The following IGF2BP3 variants were observed in gnomAD, a reference collection of about 807,000 sequenced individuals.
The protein encoded by IGF2BP3 is insulin-like growth factor 2 mRNA-binding protein 3.
In IGF2BP3, 9 loss-of-function variants were observed where a neutral mutation model predicts 73.8. The observed-to-expected ratio is 0.12, with a 90% CI of 0.07 to 0.21. The LOEUF is 0.21. Ranked by LOEUF, IGF2BP3 falls within the 10% of genes least tolerant of loss-of-function variation. The pLI, the probability that IGF2BP3 is intolerant of heterozygous loss-of-function variation, is 1.00. For missense variants in IGF2BP3, 542 were observed against 714.0 expected (o/e 0.76, Z 2.75); for synonymous variants, 258 against 256.7 (o/e 1.01, Z -0.05).
intron 2 of IGF2BP3, among the ~76,000 whole-genome samples, chr7:23,444,316 G>A (rs916224894): frequency 1.3e-5 from 2 of 151,976 alleles, no homozygotes; most frequent in African/African-American, 2.4e-5. Flanking sequence ...GTTTAAATAG[G>A]TTATAATGTA....
chr7:23,422,057 G>A (rs1787364495), intron 2 of IGF2BP3, among the ~76,000 whole-genome samples: 1 of 152,098 alleles, frequency 6.6e-6, no homozygotes, highest in Non-Finnish European at 1.5e-5. Flanking sequence ...TGGGATTACA[G>A]GTGTGAGCCA....
At chr7:23,434,381 A>G (rs778522178) in intron 2 of IGF2BP3, among the ~76,000 whole-genome samples, 1 of 152,194 alleles carries the variant, frequency 6.6e-6, no homozygotes, top group Non-Finnish European at 1.5e-5. Context: ...TTTAGAAACT[A>G]TAATAATCTC....
Position 23,361,750 on chromosome 7 carries a change from A to T in IGF2BP3, c.286-9T>A. On this transcript the variant is annotated splice_polypyrimidine_tract_variant and intron_variant, in intron 3 of 14. Transcript: ENST00000258729. ...AGTAAACTATCCAGCACCTATCAGG[A>T]GGGGGAGAGAAAATTATAAATTTTG... The T allele has an allele frequency of 6.3e-7, 1 of 1,597,906 alleles. No homozygotes were observed.
chr7:23,376,598 G>T (rs570577126), intron 3 of IGF2BP3, among the ~76,000 whole-genome samples: 1 of 151,712 alleles, frequency 6.6e-6, no homozygotes, highest in African/African-American at 2.4e-5. Context: ...GGGCACGGTG[G>T]CTCACACCTA....
intron 2 of IGF2BP3, among the ~76,000 whole-genome samples, chr7:23,444,742 C>CAAA (rs56029431): frequency 1.2e-4 from 10 of 82,884 alleles, no homozygotes; most frequent in African/African-American, 2.2e-4. Flanking sequence ...GACTCTGTCT[C>CAAA]AAAAAAAAAA....
intron 3 of IGF2BP3, among the ~76,000 whole-genome samples, chr7:23,372,641 C>T (rs544441317): frequency 1.9e-4 from 29 of 152,184 alleles, no homozygotes; most frequent in Non-Finnish European, 2.5e-4. Context: ...TTTTAAAAGC[C>T]GAGCAGAACA....
At chr7:23,466,762 A>C (rs569172656) in intron 2 of IGF2BP3, among the ~76,000 whole-genome samples, 1 of 152,370 alleles carries the variant, frequency 6.6e-6, no homozygotes, top group Non-Finnish European at 1.5e-5. Context: ...ATCGGTTAGC[A>C]AAAGAAAAGC....
At chr7:23,312,927 G>C (rs1783873042) in intron 13 of IGF2BP3, 79 bp from the exon 14 acceptor site, 4 of 806,618 alleles carry the variant, frequency 5.0e-6, no homozygotes, top group Non-Finnish European at 8.2e-6. Context: ...GCGCCAGACA[G>C]TGAGCTATGT....
At chr7:23,316,366 G>A (rs1783987397) in intron 12 of IGF2BP3, among the ~76,000 whole-genome samples, 1 of 152,068 alleles carries the variant, frequency 6.6e-6, no homozygotes, top group African/African-American at 2.4e-5. Context: ...ACTAGTTACT[G>A]TTACACTTTA....
chr7:23,343,455 T>C (rs1403790982), intron 9 of IGF2BP3, among the ~76,000 whole-genome samples: 1 of 152,220 alleles, frequency 6.6e-6, no homozygotes, highest in Non-Finnish European at 1.5e-5. Context: ...TATTAACCTT[T>C]GTAGGTAGAC....
At chr7:23,432,292 T>G (rs1282724836) in intron 2 of IGF2BP3, among the ~76,000 whole-genome samples, 10 of 152,214 alleles carry the variant, frequency 6.6e-5, no homozygotes, top group African/African-American at 2.4e-4. Flanking sequence ...TACTATTGTT[T>G]GCTTGCATTT....
intron 8 of IGF2BP3, 124 bp from the exon 9 acceptor site, chr7:23,343,977 A>T: frequency 3.5e-6 from 3 of 864,648 alleles, no homozygotes; most frequent in Non-Finnish European, 5.3e-6. Flanking sequence ...AGTGGGTGGT[A>T]AAACATGATG....
intron 8 of IGF2BP3, among the ~76,000 whole-genome samples, chr7:23,344,659 A>G (rs1784789388): frequency 6.6e-6 from 1 of 152,250 alleles, no homozygotes; most frequent in Admixed American, 6.5e-5. Flanking sequence ...AACTAAGTAC[A>G]TAAATTGAGA....
At chr7:23,321,523 C>A (rs1411326251) in intron 10 of IGF2BP3, among the ~76,000 whole-genome samples, 1 of 152,198 alleles carries the variant, frequency 6.6e-6, no homozygotes, top group Non-Finnish European at 1.5e-5. Flanking sequence ...CCCAGGCTTG[C>A]TTAGGTAAAC....
At chr7:23,457,651 A>C (rs963924055) in intron 2 of IGF2BP3, among the ~76,000 whole-genome samples, 2 of 152,222 alleles carry the variant, frequency 1.3e-5, no homozygotes, top group African/African-American at 4.8e-5. Context: ...TACATTATTT[A>C]GTAAAAGCAC....
chr7:23,330,875 G>C (rs1374429309), intron 10 of IGF2BP3, among the ~76,000 whole-genome samples: 2 of 152,194 alleles, frequency 1.3e-5, no homozygotes, highest in African/African-American at 2.4e-5. Context: ...CACTGCAACT[G>C]CAACCTCCGC....
intron 3 of IGF2BP3, among the ~76,000 whole-genome samples, chr7:23,392,823 G>A (rs1468432456): frequency 2.0e-5 from 3 of 152,002 alleles, no homozygotes; most frequent in East Asian, 1.9e-4. Context: ...AAGAGATGGG[G>A]TTTTATCATG....
At chr7:23,331,960 G>A (rs1450736652) in intron 10 of IGF2BP3, among the ~76,000 whole-genome samples, 1 of 152,010 alleles carries the variant, frequency 6.6e-6, no homozygotes. Context: ...TGGGTAACAA[G>A]GTACGTCTTA....
At chr7:23,358,311 AGAT>A (rs1307340638) in intron 5 of IGF2BP3, among the ~76,000 whole-genome samples, 1 of 152,218 alleles carries the variant, frequency 6.6e-6, no homozygotes, top group East Asian at 1.9e-4. Flanking sequence ...TCCAAACAAC[AGAT>A]GTTACAAAGA....
Sources: gnomAD v4.1 joint callset for allele counts (sites outside exome capture counted in the v4.1 genomes callset) on GRCh38, gnomAD v4.1.1 for gene constraint, MANE v1.5 for transcripts, NCBI Gene and HGNC (gene_info 2026-07-23, HGNC 2026-07-21) for gene names.